LMNA: variants seen among roughly 807,000 people sequenced by gnomAD.
LMNA encodes lamin.
Under a neutral mutation model 70.4 loss-of-function variants are expected in LMNA, and 20 were observed. The observed-to-expected ratio is 0.28, with a 90% CI of 0.20 to 0.41. LMNA has a LOEUF of 0.41. LMNA is among the 10% of genes least tolerant of loss of function. The pLI is 1.00. For synonymous variants in LMNA, 339 were observed against 372.8 expected, an observed-to-expected ratio of 0.91 and a Z score of 1.04; for missense variants, 652 against 917.2, an observed-to-expected ratio of 0.71 and a Z score of 3.73.
At chr1:156,100,910 T>A (rs1389262322) in intron 3 of LMNA, among the ~76,000 whole-genome samples, 1 of 151,984 alleles carries the variant, frequency 6.6e-6, no homozygotes, top group Admixed American at 6.6e-5. Flanking sequence ...TGGTGGCGAG[T>A]GGGGACATTT....
intron 3 of LMNA, among the ~76,000 whole-genome samples, chr1:156,105,740 A>G (rs1194322686): frequency 6.6e-6 from 1 of 152,190 alleles, no homozygotes; most frequent in Non-Finnish European, 1.5e-5. Context: ...CAAAAAGATC[A>G]TTTTGTATTT....
Position 156,134,608 on chromosome 1 carries a change from G to T in LMNA, c.639+80G>T. 6.3e-7 allele frequency: 1 copy of T among 1,598,812 alleles called. No individual in the cohort carries two copies. Among genetic ancestry groups the T allele is most frequent in the Admixed American group, 1.7e-5 (1 of 59,868 alleles). On this transcript the variant is annotated intron_variant, in intron 3 of 11. Coordinates refer to ENST00000368300, the MANE Select transcript of LMNA (RefSeq NM_170707.4). The surrounding 1 kb of genome is among the most constrained non-coding windows in gnomAD (Gnocchi z 5.3). ...GGCTGGGCTAGGGGGGACCAGCTGT[G>T]TGCAGAGCTCGCCTTCCTGAGTCCC...
At position 156,134,618 on chromosome 1, in the gene LMNA, C is replaced by T. The variant is rs1311311636; in HGVS notation, c.639+90C>T. On this transcript the variant is annotated intron_variant, in intron 3 of 11. Coordinates refer to ENST00000368300, the MANE Select transcript of LMNA (RefSeq NM_170707.4). This position sits in a 1 kb window ranked among gnomAD's most constrained non-coding sequence, Gnocchi z 5.3. Reference sequence around the variant, plus strand: ...GGGGGGACCAGCTGTGTGCAGAGCTCGCCTTCCTGAGTCCCTTGCCCTAGT... The same window carrying T: ...GGGGGGACCAGCTGTGTGCAGAGCTTGCCTTCCTGAGTCCCTTGCCCTAGT... 1.3e-5 allele frequency: 20 copies of T among 1,588,984 alleles called. No individual in the cohort carries two copies. Among genetic ancestry groups the T allele is most frequent in the Non-Finnish European group, 1.7e-5 (20 of 1,161,006 alleles).
chr1:156,101,231 TAA>T (rs1391133544), intron 3 of LMNA, among the ~76,000 whole-genome samples: 2 of 152,196 alleles, frequency 1.3e-5, no homozygotes, highest in Non-Finnish European at 2.9e-5. Flanking sequence ...CTCACGCCTA[TAA>T]TCCCAACACT....
Position 156,121,032 on chromosome 1 carries a change from C to A in LMNA, c.356+5758C>A, listed in dbSNP as rs1650148999. Among the ~76,000 whole-genome samples, 3 of 151,378 alleles carry A rather than the reference C, an allele frequency of 2.0e-5. No individual in the cohort carries two copies. The South Asian group carries it at 6.2e-4, about 32-fold the overall frequency. On this transcript the variant is annotated intron_variant, in intron 1 of 11. Coordinates refer to ENST00000368300, the MANE Select transcript of LMNA (RefSeq NM_170707.4). Reference sequence around the variant, plus strand: ...CTGGTGTTACCTCTCCAACCCTCCACCACCAAATCCATTCTTTTTTTTTTT... The same window carrying A: ...CTGGTGTTACCTCTCCAACCCTCCAACACCAAATCCATTCTTTTTTTTTTT...
chr1:156,123,964 C>A (rs1329176674), intron 1 of LMNA, among the ~76,000 whole-genome samples: 1 of 152,214 alleles, frequency 6.6e-6, no homozygotes, highest in African/African-American at 2.4e-5. Context: ...CACTTCAGCC[C>A]CTCCCTCTGC....
intron 3 of LMNA, among the ~76,000 whole-genome samples, chr1:156,095,960 A>G (rs1392820846): frequency 6.6e-6 from 1 of 152,228 alleles, no homozygotes; most frequent in Non-Finnish European, 1.5e-5. Flanking sequence ...AGACCTGAGC[A>G]GAGGCGTGAT....
chr1:156,119,276 C>A (rs1324663772), intron 1 of LMNA, among the ~76,000 whole-genome samples: 1 of 152,152 alleles, frequency 6.6e-6, no homozygotes, highest in African/African-American at 2.4e-5. Context: ...TGCCATCACG[C>A]CCAGTTAATT....
At position 156,115,308 on chromosome 1, in the gene LMNA, G is replaced by C. The variant is rs756719452; in HGVS notation, c.356+34G>C. On this transcript the variant is annotated intron_variant, in intron 1 of 11. Transcript: ENST00000368300. This position sits in a 1 kb window ranked among gnomAD's most constrained non-coding sequence, Gnocchi z 5.8. ...GCCCAGGTGGCTGCGTGCCTGGCGG[G>C]GAGTGGAGAGGGCGGCGGGCCGGCG... 1.3e-6 allele frequency: 2 copies of C among 1,565,714 alleles called. No individual in the cohort carries two copies. Among genetic ancestry groups the C allele is most frequent in the East Asian group, 4.6e-5 (2 of 43,954 alleles).
Position 156,108,067 on chromosome 1 carries a change from G to A in LMNA, c.-206-6646G>A, listed in dbSNP as rs1038962205. 1.2e-4 allele frequency among the ~76,000 whole-genome samples: 18 copies of A among 151,996 alleles called. No individual in the cohort carries two copies. The East Asian group carries it at 1.3e-3, about 11-fold the overall frequency. ...CAGGTGTGAGCCACTGCTCCCAGCC[G>A]GAATTTGGGTTCTTGACACATAAAA... On this transcript the variant is annotated intron_variant, in intron 3 of 12. Transcript: ENST00000368301.
rs868794024 is a variant in LMNA at position 156,087,586 on chromosome 1, C to T, written c.-318-2885C>T. The stretch of plus-strand genomic sequence containing the variant: ...TTTCTTTTTTTGAGACAAGGTCTTG[C>T]TCTGTCACCCAGACTGGAATGCAGT... On this transcript the variant is annotated intron_variant, in intron 2 of 12. Coordinates refer to the LMNA transcript ENST00000368301. Among the ~76,000 whole-genome samples the T allele has an allele frequency of 1.7e-4, 26 of 151,832 alleles. 2 individuals are homozygous for T. Among genetic ancestry groups the T allele is most frequent in the Admixed American group, 1.4e-3 (21 of 15,200 alleles).
At chr1:156,118,768 T>C (rs1187096306) in intron 1 of LMNA, among the ~76,000 whole-genome samples, 2 of 152,166 alleles carry the variant, frequency 1.3e-5, no homozygotes, top group African/African-American at 2.4e-5. Flanking sequence ...TCTGGTTTAA[T>C]GTTTAATTAG....
At chr1:156,090,764 G>A (rs899777057) in intron 3 of LMNA, among the ~76,000 whole-genome samples, 7 of 152,230 alleles carry the variant, frequency 4.6e-5, no homozygotes, top group Non-Finnish European at 1.0e-4. Flanking sequence ...TTGGAGGCAT[G>A]TCTGGAAGTT....
chr1:156,134,547 A>T lies in LMNA; in HGVS notation c.639+19A>T, dbSNP rs1651362772. 1.9e-6 allele frequency: 3 copies of T among 1,613,500 alleles called. 1 individual carries two copies. Among genetic ancestry groups the T allele is most frequent in the Non-Finnish European group, 2.5e-6 (3 of 1,179,994 alleles). On this transcript the variant is annotated intron_variant, in intron 3 of 11. Coordinates refer to ENST00000368300, the MANE Select transcript of LMNA (RefSeq NM_170707.4). The surrounding 1 kb of genome is among the most constrained non-coding windows in gnomAD (Gnocchi z 5.3). ...CAGTGAGGTGGGGACTGTGCTTTGC[A>T]AGCCAGAGGGCTGGGGCTGGGTGAT...
Position 156,115,416 on chromosome 1 carries a change from C to T in LMNA, c.356+142C>T, listed in dbSNP as rs917201953. ...AGTCTCCTCCCTCCCCGGAACTGCCCCCAGCGGGTGACTGGCAGTGTCAAG... is the reference window on the plus strand; with the variant it reads ...AGTCTCCTCCCTCCCCGGAACTGCCTCCAGCGGGTGACTGGCAGTGTCAAG... On this transcript the variant is annotated intron_variant, in intron 1 of 11. Transcript: ENST00000368300. The surrounding 1 kb of genome is among the most constrained non-coding windows in gnomAD (Gnocchi z 5.8). 1 of 763,822 alleles carries T rather than the reference C, an allele frequency of 1.3e-6. No individual in the cohort carries two copies. The highest frequency in any genetic ancestry group is 2.2e-6 in the Non-Finnish European group (1 of 448,330). 47.3% of individuals were successfully genotyped at this position (763,822 alleles called of 1,614,324 possible).
chr1:156,092,957 C>T (rs190393909), intron 3 of LMNA, among the ~76,000 whole-genome samples: 6 of 148,154 alleles, frequency 4.0e-5, no homozygotes, highest in East Asian at 4.0e-4. Context: ...GGTGCGATCT[C>T]GGCTCACTGC....
intron 3 of LMNA, among the ~76,000 whole-genome samples, chr1:156,095,100 T>C (rs1451497097): frequency 6.6e-6 from 1 of 152,102 alleles, no homozygotes; most frequent in Non-Finnish European, 1.5e-5. Context: ...GGCTAATTTT[T>C]GTATTTTTAT....
In LMNA at chr1:156,136,124, G is replaced by A. The variant is rs759657247; in HGVS notation, c.1157+3G>A. The A allele has an allele frequency of 9.3e-6, 15 of 1,613,976 alleles. No individual in the cohort carries two copies. The South Asian group carries it at 1.6e-4, about 18-fold the overall frequency. ...CTCTTGGAGGGCGAGGAGGAGAGGT[G>A]GGCTGGGGAGACGTCGGGGAGGTGC... On this transcript the variant is annotated splice_donor_region_variant and intron_variant, in intron 6 of 11. Coordinates refer to ENST00000368300, the MANE Select transcript of LMNA (RefSeq NM_170707.4). This position sits in a 1 kb window ranked among gnomAD's most constrained non-coding sequence, Gnocchi z 6.1.
rs1481787646 is a variant in LMNA at position 156,136,630 on chromosome 1, T to C, written c.1380+194T>C. ...TGGCTGTGAGACCTTGAGCAGGTTA[T>C]TTAACCTCTCAGAGCATCAGTTTCC... is the stretch of plus-strand genomic sequence containing the variant. On this transcript the variant is annotated intron_variant, in intron 7 of 11. Transcript: ENST00000368300. This position sits in a 1 kb window ranked among gnomAD's most constrained non-coding sequence, Gnocchi z 6.1. 3 of 694,106 alleles carry C rather than the reference T, an allele frequency of 4.3e-6. No homozygotes were observed. Among genetic ancestry groups the C allele is most frequent in the Non-Finnish European group, 7.6e-6 (3 of 392,990 alleles). 43.0% of individuals were successfully genotyped at this position (694,106 alleles called of 1,614,324 possible). A position where few individuals can be genotyped will look rare whatever the true frequency, so the allele number is the denominator to read the frequency against.
Sources: allele counts gnomAD v4.1 joint callset (sites outside exome capture counted in the v4.1 genomes callset), GRCh38; gene constraint gnomAD v4.1.1; non-coding constraint Gnocchi (gnomAD v3.1); transcripts MANE v1.5; gene names NCBI Gene and HGNC (gene_info 2026-07-23, HGNC 2026-07-21).